FRAS1: variants seen among roughly 807,000 people sequenced by gnomAD.
FRAS1 encodes extracellular matrix organizing protein FRAS1.
A neutral mutation model predicts 435.2 loss-of-function variants in FRAS1; 290 were observed. The ratio of observed to expected loss-of-function variants is 0.67; its 90% CI spans 0.61 to 0.73. The LOEUF (loss-of-function observed/expected upper bound fraction) is 0.73, where lower values mean the gene tolerates loss of function less well. Ranked by LOEUF, FRAS1 falls within the 30% of genes least tolerant of loss-of-function variation. The pLI is 0.00. For synonymous variants in FRAS1, 1,800 were observed against 1,851.0 expected (o/e 0.97, Z 0.71); for missense variants, 4,860 against 5,001.5 (o/e 0.97, Z 0.85).
intron 2 of FRAS1, among the ~76,000 whole-genome samples, chr4:78,140,619 A>G (rs977197816): frequency 6.6e-6 from 1 of 151,998 alleles, no homozygotes; most frequent in African/African-American, 2.4e-5. Flanking sequence ...TGGTATATAT[A>G]TGTGTATACG....
intron 20 of FRAS1, among the ~76,000 whole-genome samples, chr4:78,356,195 A>C (rs1158944429): frequency 6.6e-6 from 1 of 152,200 alleles, no homozygotes; most frequent in East Asian, 1.9e-4. Context: ...CTGACGAGAC[A>C]GTTGGAAATT....
At chr4:78,163,524 T>C (rs941949637) in intron 2 of FRAS1, among the ~76,000 whole-genome samples, 8 of 152,206 alleles carry the variant, frequency 5.3e-5, no homozygotes, top group African/African-American at 1.7e-4. Flanking sequence ...ACTGGTTTCC[T>C]TCTAAGTTAT....
intron 59 of FRAS1, 37 bp downstream of exon 59, chr4:78,489,117 C>T (rs370186258): frequency 3.2e-6 from 5 of 1,567,674 alleles, no homozygotes; most frequent in African/African-American, 1.4e-5. Context: ...ATGAGATTCT[C>T]TTATTGTCTT....
chr4:78,410,484 G>A (rs1378091412), intron 31 of FRAS1, among the ~76,000 whole-genome samples: 1 of 151,870 alleles, frequency 6.6e-6, no homozygotes, highest in Non-Finnish European at 1.5e-5. Context: ...AAGACATCCA[G>A]TTGAATGAAC....
intron 18 of FRAS1, among the ~76,000 whole-genome samples, chr4:78,329,622 G>A (rs183786562): frequency 4.2e-4 from 64 of 152,342 alleles, no homozygotes; most frequent in Middle Eastern, 3.4e-3. Flanking sequence ...TGGAGATGGG[G>A]TAGTGAGTCT....
chr4:78,145,712 T>TAAA (rs1246775727), intron 2 of FRAS1, among the ~76,000 whole-genome samples: 1 of 152,174 alleles, frequency 6.6e-6, no homozygotes, highest in African/African-American at 2.4e-5. Flanking sequence ...AAGAGATTCT[T>TAAA]AAAAAGTACT....
At chr4:78,197,531 A>T (rs1172641889) in intron 2 of FRAS1, among the ~76,000 whole-genome samples, 2 of 152,206 alleles carry the variant, frequency 1.3e-5, no homozygotes, top group African/African-American at 4.8e-5. Flanking sequence ...AAGGATTCTA[A>T]TGTAGAAAAG....
chr4:78,332,050 G>T (rs751048136), intron 18 of FRAS1, among the ~76,000 whole-genome samples: 10 of 152,332 alleles, frequency 6.6e-5, no homozygotes, highest in African/African-American at 2.4e-4. Flanking sequence ...AATGGGTGAA[G>T]TAGGGTAAGC....
intron 20 of FRAS1, 27 bp downstream of exon 20, chr4:78,337,844 G>T: frequency 6.2e-7 from 1 of 1,613,282 alleles, no homozygotes; most frequent in African/African-American, 1.3e-5. Flanking sequence ...TGGACTCCTC[G>T]GAAATCACTG....
At chr4:78,379,548 G>T in intron 26 of FRAS1, 178 bp from the exon 27 acceptor site, 1 of 629,296 alleles carries the variant, frequency 1.6e-6, no homozygotes, top group Non-Finnish European at 2.7e-6. Context: ...TTGTAACAAT[G>T]TAATGCTATA....
chr4:78,270,879 G>C (rs1260314167), intron 9 of FRAS1, among the ~76,000 whole-genome samples: 3 of 151,978 alleles, frequency 2.0e-5, no homozygotes, highest in Non-Finnish European at 2.9e-5. Context: ...CTGCCTATTG[G>C]CCTCTGACTG....
intron 2 of FRAS1, among the ~76,000 whole-genome samples, chr4:78,218,096 T>TCCCACACACA (rs1331078788): frequency 2.0e-3 from 21 of 10,696 alleles, no homozygotes; most frequent in Non-Finnish European, 7.4e-3. Flanking sequence ...TCTCACTCTC[T>TCCCACACACA]CTCACACACA....
chr4:78,134,966 TA>T (rs1180456377), intron 2 of FRAS1, among the ~76,000 whole-genome samples: 2 of 152,184 alleles, frequency 1.3e-5, no homozygotes, highest in African/African-American at 2.4e-5. Context: ...TTTATTTTAT[TA>T]TTTTTTTAAA....
intron 14 of FRAS1, among the ~76,000 whole-genome samples, chr4:78,304,817 T>A (rs2110213574): frequency 7.1e-6 from 1 of 141,714 alleles, no homozygotes. Context: ...AACCAGCTCC[T>A]GGATTCATTA....
intron 2 of FRAS1, among the ~76,000 whole-genome samples, chr4:78,089,379 T>G (rs1741383353): frequency 6.6e-6 from 1 of 151,962 alleles, no homozygotes; most frequent in Non-Finnish European, 1.5e-5. Flanking sequence ...TGTATACATA[T>G]GTAACAAACC....
rs766986480 is a variant in FRAS1 at position 78,513,500 on chromosome 4, C to T, written c.10122C>T (p.His3374=). 6.2e-7 allele frequency: 1 copy of T among 1,613,766 alleles called. No homozygotes were observed. Among genetic ancestry groups the T allele is most frequent in the Admixed American group, 1.7e-5 (1 of 60,020 alleles). ...TACTGTCTGAGTCCATCTACAGACA[C>T]CAGCACGTCTGCTCCAATTTAGTTA... is the stretch of plus-strand genomic sequence containing the variant. ...HFLLSESIYR[H]QHVCSNLVTT... is the part of the protein sequence containing the mutation. Residue 3374 remains histidine, a synonymous_variant, in exon 65 of 74, where the codon CAC becomes CAT. Transcript: ENST00000512123.
At chr4:78,134,354 A>C (rs1020111752) in intron 2 of FRAS1, among the ~76,000 whole-genome samples, 1 of 151,906 alleles carries the variant, frequency 6.6e-6, no homozygotes, top group South Asian at 2.1e-4. Context: ...TCTGCTGTCC[A>C]TTTACTCAAG....
At chr4:78,288,314 C>G (rs1484361748) in intron 14 of FRAS1, among the ~76,000 whole-genome samples, 1 of 152,142 alleles carries the variant, frequency 6.6e-6, no homozygotes, top group African/African-American at 2.4e-5. Context: ...TGCTAGTGCT[C>G]GTGACAGATT....
At chr4:78,179,660 AGG>A (rs2110048431) in intron 2 of FRAS1, among the ~76,000 whole-genome samples, 1 of 152,340 alleles carries the variant, frequency 6.6e-6, no homozygotes, top group South Asian at 2.1e-4. Context: ...AATTTATCTA[AGG>A]GAATTGACTT....
Sources: gnomAD v4.1 joint callset for allele counts (sites outside exome capture counted in the v4.1 genomes callset) on GRCh38, gnomAD v4.1.1 for gene constraint, MANE v1.5 for transcripts, NCBI Gene and HGNC (gene_info 2026-07-23, HGNC 2026-07-21) for gene names.